NECAB1: variants seen among roughly 807,000 people sequenced by gnomAD.
NECAB1 encodes the protein N-terminal EF-hand calcium-binding protein 1.
A neutral mutation model predicts 57.5 loss-of-function variants in NECAB1; 29 were observed. The observed-to-expected ratio is 0.50, with a 90% CI of 0.38 to 0.69. The LOEUF is 0.69. Among genes scored for constraint, NECAB1 ranks in the 30% least tolerant of loss-of-function variants. The pLI is 0.00. For synonymous variants in NECAB1, 142 were observed against 147.7 expected (o/e 0.96, Z 0.28); for missense variants, 372 against 413.8 (o/e 0.90, Z 0.88).
At chr8:90,848,791 C>A (rs1038255169) in intron 3 of NECAB1, among the ~76,000 whole-genome samples, 3 of 151,898 alleles carry the variant, frequency 2.0e-5, no homozygotes, top group African/African-American at 7.3e-5. Flanking sequence ...TTGAGACTAG[C>A]TTGGCCAACA....
At chr8:90,794,385 G>A (rs1445005153) in intron 1 of NECAB1, among the ~76,000 whole-genome samples, 8 of 152,080 alleles carry the variant, frequency 5.3e-5, no homozygotes, top group African/African-American at 1.9e-4. Flanking sequence ...TAATACATAG[G>A]TGATAGATAT....
intron 6 of NECAB1, among the ~76,000 whole-genome samples, chr8:90,921,793 C>A (rs1184616987): frequency 6.6e-6 from 1 of 152,078 alleles, no homozygotes; most frequent in East Asian, 1.9e-4. Context: ...ATTTGTGAAA[C>A]CTAGGGATAC....
At chr8:90,893,957 T>G (rs569826041) in intron 5 of NECAB1, among the ~76,000 whole-genome samples, 2 of 152,200 alleles carry the variant, frequency 1.3e-5, no homozygotes, top group African/African-American at 4.8e-5. Context: ...ATGACACATC[T>G]TTAGTTCATG....
chr8:90,880,130 G>A (rs558686235), intron 4 of NECAB1, among the ~76,000 whole-genome samples: 2 of 152,194 alleles, frequency 1.3e-5, no homozygotes, highest in Non-Finnish European at 1.5e-5. Context: ...CAAACATGCT[G>A]AAATGTATTC....
intron 5 of NECAB1, among the ~76,000 whole-genome samples, chr8:90,903,521 T>C (rs1229477864): frequency 6.6e-6 from 1 of 152,196 alleles, no homozygotes; most frequent in Non-Finnish European, 1.5e-5. Flanking sequence ...GGATCAATGA[T>C]TACTTACTCA....
intron 4 of NECAB1, among the ~76,000 whole-genome samples, chr8:90,878,429 G>C (rs1808769699): frequency 6.6e-6 from 1 of 152,192 alleles, no homozygotes; most frequent in African/African-American, 2.4e-5. Flanking sequence ...GATGTGTCTG[G>C]CTCTTTCATC....
chr8:90,906,899 A>ATATATATATATATG (rs1809687363), intron 5 of NECAB1, among the ~76,000 whole-genome samples: 1 of 140,556 alleles, frequency 7.1e-6, no homozygotes, highest in African/African-American at 2.7e-5. Flanking sequence ...ATATATATAT[A>ATATATATATATATG]TATATATATA....
At chr8:90,905,828 A>T (rs1203258542) in intron 5 of NECAB1, among the ~76,000 whole-genome samples, 4 of 152,134 alleles carry the variant, frequency 2.6e-5, no homozygotes, top group African/African-American at 9.7e-5. Context: ...TAATTACTTC[A>T]GATTAATATT....
chr8:90,886,880 A>G (rs1392161855), intron 5 of NECAB1, among the ~76,000 whole-genome samples: 3 of 151,938 alleles, frequency 2.0e-5, no homozygotes, highest in African/African-American at 7.3e-5. Flanking sequence ...TCATTTATTC[A>G]AGCTTATTTT....
At chr8:90,935,652 T>C (rs1478759752) in intron 9 of NECAB1, among the ~76,000 whole-genome samples, 1 of 152,160 alleles carries the variant, frequency 6.6e-6, no homozygotes, top group Non-Finnish European at 1.5e-5. Flanking sequence ...AAAACAAATA[T>C]AACTTATCTA....
intron 8 of NECAB1, among the ~76,000 whole-genome samples, chr8:90,929,671 A>G (rs1400919406): frequency 2.0e-5 from 3 of 152,228 alleles, no homozygotes; most frequent in Non-Finnish European, 4.4e-5. Context: ...AGAGCACAGT[A>G]CAGAAAGAAG....
Position 90,791,777 on chromosome 8 carries a change from C to G in NECAB1, c.-110C>G. Reference sequence around the variant, plus strand: ...AGGCGCGCGCGGGAGCGAACACCCTCCCGGATCCAGAGCCCGGCGGCGGCG... The same window carrying G: ...AGGCGCGCGCGGGAGCGAACACCCTGCCGGATCCAGAGCCCGGCGGCGGCG... On this transcript the variant is annotated 5_prime_UTR_variant, in exon 1 of 13. Coordinates refer to ENST00000417640, the MANE Select transcript of NECAB1 (RefSeq NM_022351.5). 1.2e-6 allele frequency: 1 copy of G among 825,052 alleles called. No individual in the cohort carries two copies. The highest frequency in any genetic ancestry group is 1.7e-5 in the South Asian group (1 of 60,510). 51.1% of individuals were successfully genotyped at this position (825,052 alleles called of 1,614,324 possible). A position where few individuals can be genotyped will look rare whatever the true frequency, so the allele number is the denominator to read the frequency against.
intron 5 of NECAB1, among the ~76,000 whole-genome samples, chr8:90,900,958 C>T (rs1563525407): frequency 6.6e-6 from 1 of 152,144 alleles, no homozygotes; most frequent in Non-Finnish European, 1.5e-5. Context: ...AATACTTGAA[C>T]ATTTTTATTT....
chr8:90,851,962 TTAAG>T (rs1218956475), intron 3 of NECAB1, among the ~76,000 whole-genome samples: 1 of 152,192 alleles, frequency 6.6e-6, no homozygotes, highest in Non-Finnish European at 1.5e-5. Context: ...CATTTTGTTT[TTAAG>T]TGTTTCTTTA....
chr8:90,871,084 C>G (rs1330300011), intron 3 of NECAB1, among the ~76,000 whole-genome samples: 2 of 152,140 alleles, frequency 1.3e-5, no homozygotes, highest in Non-Finnish European at 2.9e-5. Context: ...TCCTGGTTAG[C>G]AAACCTGGCT....
chr8:90,811,092 C>G (rs1008677170), intron 2 of NECAB1, among the ~76,000 whole-genome samples: 1 of 151,988 alleles, frequency 6.6e-6, no homozygotes, highest in Non-Finnish European at 1.5e-5. Flanking sequence ...GGACTACAGG[C>G]GCTTGCCACC....
At chr8:90,889,843 T>C (rs181575955) in intron 5 of NECAB1, among the ~76,000 whole-genome samples, 3 of 152,328 alleles carry the variant, frequency 2.0e-5, no homozygotes, top group African/African-American at 7.2e-5. Flanking sequence ...CATGTTCTAT[T>C]ACTAGAAGTA....
intron 3 of NECAB1, among the ~76,000 whole-genome samples, chr8:90,827,049 T>C (rs879707207): frequency 6.6e-6 from 1 of 152,012 alleles, no homozygotes; most frequent in Non-Finnish European, 1.5e-5. Context: ...AGTGTCAGTC[T>C]TTGATCTTTT....
At chr8:90,889,318 G>A (rs1160152644) in intron 5 of NECAB1, among the ~76,000 whole-genome samples, 1 of 152,068 alleles carries the variant, frequency 6.6e-6, no homozygotes, top group African/African-American at 2.4e-5. Context: ...GTCAGCTAAC[G>A]CCCTCAAGGT....
Sources: allele counts gnomAD v4.1 joint callset (sites outside exome capture counted in the v4.1 genomes callset), GRCh38; gene constraint gnomAD v4.1.1; transcripts MANE v1.5; gene names NCBI Gene and HGNC (gene_info 2026-07-23, HGNC 2026-07-21).